The following TMEM132D variants were observed in gnomAD, a reference collection of about 807,000 sequenced individuals.
The protein encoded by TMEM132D is transmembrane protein 132D.
TMEM132D carries 21 observed loss-of-function variants against 62.3 expected under a neutral mutation model. The observed-to-expected ratio is 0.34, with a 90% CI of 0.24 to 0.49. TMEM132D has a LOEUF of 0.49. Ranked by LOEUF, TMEM132D falls within the 20% of genes least tolerant of loss-of-function variation. TMEM132D has a pLI of 0.99. For synonymous variants in TMEM132D, 621 were observed against 575.6 expected, an observed-to-expected ratio of 1.08 and a Z score of -1.13; for missense variants, 1,346 against 1,402.8, an observed-to-expected ratio of 0.96 and a Z score of 0.65.
At chr12:129,788,846 C>G (rs535285684) in intron 1 of TMEM132D, among the ~76,000 whole-genome samples, 1 of 152,158 alleles carries the variant, frequency 6.6e-6, no homozygotes, top group Admixed American at 6.5e-5. Context: ...AGGAGAAGAG[C>G]CTCCCAGTTA....
intron 2 of TMEM132D, among the ~76,000 whole-genome samples, chr12:129,599,904 C>T (rs929431075): frequency 1.3e-5 from 2 of 152,188 alleles, no homozygotes; most frequent in African/African-American, 2.4e-5. Flanking sequence ...GCTGGGAGGT[C>T]TTGCCTCCAT....
chr12:129,441,942 T>C (rs1335760699), intron 3 of TMEM132D, among the ~76,000 whole-genome samples: 1 of 152,126 alleles, frequency 6.6e-6, no homozygotes, highest in South Asian at 2.1e-4. Context: ...TGGGTACTCA[T>C]GGACATAAAG....
intron 5 of TMEM132D, among the ~76,000 whole-genome samples, chr12:129,135,870 G>C (rs1419932056): frequency 1.3e-5 from 2 of 152,118 alleles, no homozygotes; most frequent in Admixed American, 6.6e-5. Context: ...GTGGGTGTCT[G>C]TCTCTCTACA....
At chr12:129,795,597 A>G (rs1227097766) in intron 1 of TMEM132D, among the ~76,000 whole-genome samples, 1 of 152,172 alleles carries the variant, frequency 6.6e-6, no homozygotes, top group Non-Finnish European at 1.5e-5. Flanking sequence ...TGTAACATAT[A>G]ATGCCAGCTG....
chr12:129,798,240 AG>A (rs1871624370), intron 1 of TMEM132D, among the ~76,000 whole-genome samples: 1 of 152,152 alleles, frequency 6.6e-6, no homozygotes, highest in South Asian at 2.1e-4. Flanking sequence ...ATTATCGTCT[AG>A]GTACTTCTCT....
At chr12:129,286,916 C>T (rs1467928610) in intron 4 of TMEM132D, among the ~76,000 whole-genome samples, 3 of 152,014 alleles carry the variant, frequency 2.0e-5, no homozygotes, top group South Asian at 2.1e-4. Context: ...GGCGTGGTGG[C>T]GCATGCCTGT....
intron 5 of TMEM132D, among the ~76,000 whole-genome samples, chr12:129,159,184 A>G (rs1245395582): frequency 6.6e-6 from 1 of 152,148 alleles, no homozygotes; most frequent in Non-Finnish European, 1.5e-5. Flanking sequence ...AACAGCAAGT[A>G]TTTGGTTCTG....
chr12:129,232,753 G>A (rs746642988), intron 4 of TMEM132D, among the ~76,000 whole-genome samples: 5 of 152,138 alleles, frequency 3.3e-5, no homozygotes, highest in African/African-American at 4.8e-5. Context: ...GGCTGGGGAG[G>A]CCTCAGGAAA....
At chr12:129,338,695 C>A (rs927169674) in intron 3 of TMEM132D, among the ~76,000 whole-genome samples, 4 of 152,172 alleles carry the variant, frequency 2.6e-5, no homozygotes, top group Non-Finnish European at 5.9e-5. Flanking sequence ...ACAACGTCTA[C>A]GTGTCAGATC....
chr12:129,738,117 C>A (rs12817164), intron 1 of TMEM132D, among the ~76,000 whole-genome samples: 70,998 of 152,108 alleles, frequency 0.47, 17,079 homozygotes, highest in Middle Eastern at 0.55. Context: ...TTTTCAAAAT[C>A]TTATTTTAAA....
chr12:129,585,915 G>C (rs1042041551), intron 2 of TMEM132D, among the ~76,000 whole-genome samples: 1 of 151,658 alleles, frequency 6.6e-6, no homozygotes, highest in Non-Finnish European at 1.5e-5. Context: ...AAAATATTTG[G>C]GAGGGGGAAA....
At chr12:129,365,120 A>T (rs374376363) in intron 3 of TMEM132D, among the ~76,000 whole-genome samples, 3 of 152,290 alleles carry the variant, frequency 2.0e-5, no homozygotes, top group Admixed American at 6.5e-5. Flanking sequence ...GTTAGATTTT[A>T]TGTGCTTCGG....
At chr12:129,750,863 T>G (rs1869979008) in intron 1 of TMEM132D, among the ~76,000 whole-genome samples, 1 of 152,002 alleles carries the variant, frequency 6.6e-6, no homozygotes, top group Non-Finnish European at 1.5e-5. Context: ...AAAAAATAAA[T>G]GTTTAAGCCA....
Position 129,725,266 on chromosome 12 carries a change from T to C in TMEM132D, c.80-24568A>G, listed in dbSNP as rs910594541. On this transcript the variant is annotated intron_variant, in intron 1 of 8. Coordinates refer to ENST00000422113, the MANE Select transcript of TMEM132D (RefSeq NM_133448.3). ...CAATTTAAGGAAACAAAGTAAATAA[T>C]GGTACAACGAGTCCATCATTCACTA... Among the ~76,000 whole-genome samples the C allele has an allele frequency of 5.2e-4, 79 of 152,230 alleles. 2 individuals carry two copies. The highest frequency in any genetic ancestry group is 1.1e-3 in the Non-Finnish European group (76 of 68,036).
At position 129,209,623 on chromosome 12, in the gene TMEM132D, G is replaced by C; in HGVS notation, c.1340C>G (p.Thr447Arg). The C allele has an allele frequency of 6.2e-7, 1 of 1,614,190 alleles. No individual in the cohort carries two copies. Among genetic ancestry groups the C allele is most frequent in the Non-Finnish European group, 8.5e-7 (1 of 1,180,028 alleles). ...GACCACTTTCACCGGGACGGCCACCGTCTTCCCCGTGAGGATGGCTGTGTT... is the reference window on the plus strand; with the variant it reads ...GACCACTTTCACCGGGACGGCCACCCTCTTCCCCGTGAGGATGGCTGTGTT... ...ILNTAILTGK[T>R]VAVPVKVVSV... is the part of the protein sequence containing the mutation. The change falls in exon 5 of 9, where the codon ACG (threonine) becomes AGG (arginine). Residue 447 changes from threonine (T) to arginine (R), a missense_variant. Coordinates refer to ENST00000422113, the MANE Select transcript of TMEM132D (RefSeq NM_133448.3).
At chr12:129,290,331 C>A (rs890770846) in intron 4 of TMEM132D, among the ~76,000 whole-genome samples, 1 of 151,998 alleles carries the variant, frequency 6.6e-6, no homozygotes, top group Admixed American at 6.6e-5. Flanking sequence ...CTCAACTTTA[C>A]GTGAGTGAGA....
In TMEM132D at chr12:129,473,336, T is replaced by TTTTG. The variant is rs1555259230; in HGVS notation, c.1115+57722_1115+57723insCAAA. ...GATTTTAGTTTTTGTTTTTTTTTTTTTTTTTTTTTTGAGACCAAGTCTTGC... is the reference window on the plus strand; with the variant it reads ...GATTTTAGTTTTTGTTTTTTTTTTTTTTTGTTTTTTTTTTGAGACCAAGTCTTGC... On this transcript the variant is annotated intron_variant, in intron 3 of 8. Coordinates refer to ENST00000422113, the MANE Select transcript of TMEM132D (RefSeq NM_133448.3). 2.5e-4 allele frequency among the ~76,000 whole-genome samples: 35 copies of TTTTG among 139,298 alleles called. 3 individuals are homozygous for TTTTG. Among genetic ancestry groups the TTTTG allele is most frequent in the African/African-American group, 9.0e-4 (34 of 37,788 alleles). The allele number at this position is 139,298 out of a possible 152,430, so 91.4% of individuals were successfully genotyped here. A position where few individuals can be genotyped will look rare whatever the true frequency, so the allele number is the denominator to read the frequency against.
chr12:129,683,588 C>T (rs1880837697), intron 2 of TMEM132D, among the ~76,000 whole-genome samples: 1 of 152,104 alleles, frequency 6.6e-6, no homozygotes, highest in South Asian at 2.1e-4. Context: ...TGAAGACATT[C>T]CATCTACAAC....
intron 2 of TMEM132D, among the ~76,000 whole-genome samples, chr12:129,687,053 A>G (rs1215481369): frequency 6.6e-6 from 1 of 152,050 alleles, no homozygotes; most frequent in Admixed American, 6.5e-5. Flanking sequence ...CTCCTTTCAA[A>G]TGTGTTTATC....
Sources: allele counts gnomAD v4.1 joint callset (sites outside exome capture counted in the v4.1 genomes callset), GRCh38; gene constraint gnomAD v4.1.1; transcripts MANE v1.5; gene names NCBI Gene and HGNC (gene_info 2026-07-23, HGNC 2026-07-21).